STXBP5L: variants seen among roughly 807,000 people sequenced by gnomAD.
STXBP5L encodes syntaxin-binding protein 5-like.
Under a neutral mutation model 144.5 loss-of-function variants are expected in STXBP5L, and 65 were observed. That is an observed-to-expected ratio of 0.45 (90% CI 0.37 to 0.55). The LOEUF is 0.55. STXBP5L is among the 20% of genes least tolerant of loss of function. STXBP5L has a pLI of 0.00. For missense variants in STXBP5L, 1,298 were observed against 1,405.5 expected (o/e 0.92, Z 1.22); for synonymous variants, 505 against 469.6 (o/e 1.08, Z -0.97).
intron 5 of STXBP5L, among the ~76,000 whole-genome samples, chr3:121,057,055 A>C (rs997071060): frequency 6.6e-6 from 1 of 151,518 alleles, no homozygotes; most frequent in Non-Finnish European, 1.5e-5. Context: ...AGAATATATT[A>C]TAAAGAAGGA....
At chr3:121,273,165 A>C (rs971993242) in intron 18 of STXBP5L, among the ~76,000 whole-genome samples, 1 of 152,074 alleles carries the variant, frequency 6.6e-6, no homozygotes, top group African/African-American at 2.4e-5. Flanking sequence ...AGCTTAATTT[A>C]AGATCCCTTT....
At chr3:121,286,684 C>G (rs1316912164) in intron 19 of STXBP5L, among the ~76,000 whole-genome samples, 1 of 152,096 alleles carries the variant, frequency 6.6e-6, no homozygotes, top group East Asian at 1.9e-4. Flanking sequence ...ATAGTCAAAG[C>G]TTTAGATTCT....
chr3:121,252,642 T>C (rs1236397905), intron 15 of STXBP5L, among the ~76,000 whole-genome samples: 1 of 152,220 alleles, frequency 6.6e-6, no homozygotes, highest in East Asian at 1.9e-4. Context: ...CACTGTCTAA[T>C]ACAGAAAGCA....
intron 3 of STXBP5L, among the ~76,000 whole-genome samples, chr3:121,027,843 T>G (rs1946064853): frequency 6.6e-6 from 1 of 152,094 alleles, no homozygotes; most frequent in East Asian, 1.9e-4. Context: ...TGGTGCATTA[T>G]TCTACCTACT....
chr3:121,028,262 A>G (rs1337592546), intron 3 of STXBP5L, among the ~76,000 whole-genome samples: 1 of 152,116 alleles, frequency 6.6e-6, no homozygotes, highest in Non-Finnish European at 1.5e-5. Context: ...TTATTATGCT[A>G]TTAATAAATA....
chr3:121,149,203 A>G (rs920670182), intron 7 of STXBP5L, among the ~76,000 whole-genome samples: 1 of 152,100 alleles, frequency 6.6e-6, no homozygotes, highest in African/African-American at 2.4e-5. Flanking sequence ...AATTCATTAA[A>G]TATACATCTA....
chr3:121,375,224 G>A (rs946463163), intron 20 of STXBP5L, among the ~76,000 whole-genome samples: 1 of 152,016 alleles, frequency 6.6e-6, no homozygotes, highest in Non-Finnish European at 1.5e-5. Context: ...CCTAAGTCTT[G>A]GAACAGATAT....
At chr3:121,384,274 T>G (rs1050254977) in intron 22 of STXBP5L, among the ~76,000 whole-genome samples, 4 of 152,070 alleles carry the variant, frequency 2.6e-5, no homozygotes, top group African/African-American at 9.7e-5. Flanking sequence ...CATGGCAGCA[T>G]GGCAGGGGGA....
intron 3 of STXBP5L, among the ~76,000 whole-genome samples, chr3:121,025,065 G>C (rs906025979): frequency 6.6e-6 from 1 of 152,068 alleles, no homozygotes; most frequent in African/African-American, 2.4e-5. Context: ...CCTTGGCAAG[G>C]CTTGAAGAGA....
intron 19 of STXBP5L, among the ~76,000 whole-genome samples, chr3:121,294,482 G>A (rs905073517): frequency 6.6e-6 from 1 of 152,144 alleles, no homozygotes; most frequent in African/African-American, 2.4e-5. Flanking sequence ...ATGTCAAGTG[G>A]ACAAGTAAGT....
At chr3:121,373,682 G>T (rs549116239) in intron 20 of STXBP5L, among the ~76,000 whole-genome samples, 4 of 152,182 alleles carry the variant, frequency 2.6e-5, no homozygotes, top group East Asian at 3.9e-4. Context: ...ACCCAGGGGA[G>T]CAGGGATCAG....
intron 21 of STXBP5L, among the ~76,000 whole-genome samples, chr3:121,379,600 T>C (rs2046277352): frequency 6.6e-6 from 1 of 152,188 alleles, no homozygotes; most frequent in Non-Finnish European, 1.5e-5. Flanking sequence ...GTGATCTATA[T>C]TGGTCTTCAA....
intron 5 of STXBP5L, among the ~76,000 whole-genome samples, chr3:121,053,453 C>G (rs1396318245): frequency 1.3e-5 from 2 of 152,184 alleles, no homozygotes; most frequent in Non-Finnish European, 2.9e-5. Flanking sequence ...CTACAACCAT[C>G]TGATCTTTGC....
At chr3:121,398,646 C>T (rs2046794755) in intron 22 of STXBP5L, among the ~76,000 whole-genome samples, 1 of 152,144 alleles carries the variant, frequency 6.6e-6, no homozygotes, top group African/African-American at 2.4e-5. Flanking sequence ...CCATGCTTCC[C>T]ACAGTTAAAA....
chr3:121,319,706 G>C (rs767471213), intron 20 of STXBP5L, among the ~76,000 whole-genome samples: 3 of 152,090 alleles, frequency 2.0e-5, no homozygotes, highest in Non-Finnish European at 4.4e-5. Context: ...TGCATGTCAT[G>C]TTGTAAAATT....
At chr3:121,346,173 C>G (rs1001270906) in intron 20 of STXBP5L, among the ~76,000 whole-genome samples, 2 of 146,372 alleles carry the variant, frequency 1.4e-5, no homozygotes, top group Admixed American at 1.4e-4. Flanking sequence ...TCTCATTGTT[C>G]AATTCCCACC....
chr3:121,165,363 TATG>T (rs1209699725), intron 9 of STXBP5L, among the ~76,000 whole-genome samples: 23 of 152,162 alleles, frequency 1.5e-4, no homozygotes, highest in African/African-American at 5.3e-4. Context: ...CCCCCAGCAC[TATG>T]ATGATATTAT....
intron 9 of STXBP5L, among the ~76,000 whole-genome samples, chr3:121,175,303 T>C (rs1362413007): frequency 2.6e-5 from 4 of 151,972 alleles, no homozygotes; most frequent in African/African-American, 9.7e-5. Flanking sequence ...ATAGCAACAA[T>C]AAACTCCAAA....
intron 11 of STXBP5L, among the ~76,000 whole-genome samples, chr3:121,233,145 A>G (rs1292414989): frequency 1.1e-4 from 16 of 152,184 alleles, no homozygotes; most frequent in Admixed American, 1.0e-3. Flanking sequence ...TTCAAATTAC[A>G]TTGAATTGAA....
Sources: allele counts gnomAD v4.1 joint callset (sites outside exome capture counted in the v4.1 genomes callset), GRCh38; gene constraint gnomAD v4.1.1; transcripts MANE v1.5; gene names NCBI Gene and HGNC (gene_info 2026-07-23, HGNC 2026-07-21).